Variants in PRUNE2 observed in about 807,000 individuals in gnomAD.
PRUNE2 encodes the protein prune homolog 2 with BCH domain.
PRUNE2 carries 164 observed loss-of-function variants against 252.0 expected under a neutral mutation model. The observed-to-expected ratio is 0.65, with a 90% CI of 0.57 to 0.74. The LOEUF (loss-of-function observed/expected upper bound fraction) is 0.74, where lower values mean the gene tolerates loss of function less well. Ranked by LOEUF, PRUNE2 falls within the 30% of genes least tolerant of loss-of-function variation. The pLI, the probability that PRUNE2 is intolerant of heterozygous loss-of-function variation, is 0.00. For missense variants in PRUNE2, 3,495 were observed against 3,711.0 expected (o/e 0.94, Z 1.51); for synonymous variants, 1,292 against 1,350.2 (o/e 0.96, Z 0.94).
intron 9 of PRUNE2, among the ~76,000 whole-genome samples, chr9:76,701,666 A>G (rs2045899994): frequency 6.6e-6 from 1 of 152,200 alleles, no homozygotes; most frequent in African/African-American, 2.4e-5. Flanking sequence ...AGGCCAGCTG[A>G]CAATGTCTGG....
chr9:76,740,494 T>A (rs540858191), intron 6 of PRUNE2: 16 of 151,610 alleles, frequency 1.1e-4, no homozygotes, highest in African/African-American at 3.4e-4. Flanking sequence ...GTCATCTGGC[T>A]GAGCCCCAAC....
chr9:76,726,091 C>A (rs961389523), intron 6 of PRUNE2, among the ~76,000 whole-genome samples: 1 of 152,130 alleles, frequency 6.6e-6, no homozygotes, highest in Non-Finnish European at 1.5e-5. Context: ...ATCCTCTACA[C>A]GGTGGGAACC....
intron 1 of PRUNE2, among the ~76,000 whole-genome samples, chr9:76,866,424 A>G (rs2132943072): frequency 6.6e-6 from 1 of 152,302 alleles, no homozygotes; most frequent in South Asian, 2.1e-4. Flanking sequence ...GTTTTTTGCG[A>G]TATTTTGTAG....
intron 6 of PRUNE2, among the ~76,000 whole-genome samples, chr9:76,722,127 C>T (rs964892034): frequency 1.3e-5 from 2 of 151,272 alleles, no homozygotes; most frequent in African/African-American, 2.4e-5. Context: ...GGTGTGATCT[C>T]GGCTCACTGC....
chr9:76,757,851 T>A (rs1025862490), intron 6 of PRUNE2, among the ~76,000 whole-genome samples: 1 of 151,706 alleles, frequency 6.6e-6, no homozygotes, highest in African/African-American at 2.4e-5. Flanking sequence ...GGCAGGAGGA[T>A]CCCTGGGCCC....
Position 76,709,132 on chromosome 9 carries a change from G to A in PRUNE2, c.3142C>T (p.His1048Tyr), listed in dbSNP as rs1283835181. 3 of 1,613,854 alleles carry A rather than the reference G, an allele frequency of 1.9e-6. No individual in the cohort carries two copies. Among genetic ancestry groups the A allele is most frequent in the Non-Finnish European group, 2.5e-6 (3 of 1,179,890 alleles). Reference protein sequence around the residue: ...TDNSSEINTTHNLDENELKTE... With the variant: ...TDNSSEINTTYNLDENELKTE... ...TTGAGTTCATTTTCATCCAGGTTGT[G>A]AGTGGTATTTATTTCAGAACTGTTA... The change falls in exon 8 of 19, where the codon CAC (histidine) becomes TAC (tyrosine). Residue 1048 changes from histidine to tyrosine, a missense_variant. By Grantham distance (83) the His-to-Tyr change is moderately conservative. Transcript: ENST00000376718.
At chr9:76,776,887 A>AACAC (rs1224020427) in intron 6 of PRUNE2, among the ~76,000 whole-genome samples, 7 of 96,472 alleles carry the variant, frequency 7.3e-5, no homozygotes, top group Non-Finnish European at 1.1e-4. Context: ...TCATTACCAA[A>AACAC]ACACATACAC....
At chr9:76,851,820 G>C (rs1028363730) in intron 2 of PRUNE2, among the ~76,000 whole-genome samples, 1 of 150,054 alleles carries the variant, frequency 6.7e-6, no homozygotes, top group African/African-American at 2.5e-5. Context: ...AGATAGGAGA[G>C]AGGTAGAGAA....
intron 15 of PRUNE2, among the ~76,000 whole-genome samples, chr9:76,634,116 CA>C (rs1288266280): frequency 6.6e-6 from 1 of 151,854 alleles, no homozygotes; most frequent in Non-Finnish European, 1.5e-5. Flanking sequence ...TCTCTCAAAA[CA>C]AAAAACAAAC....
intron 6 of PRUNE2, among the ~76,000 whole-genome samples, chr9:76,722,931 T>C (rs1382127504): frequency 6.6e-6 from 1 of 152,248 alleles, no homozygotes; most frequent in East Asian, 1.9e-4. Flanking sequence ...TTAATAAAAA[T>C]AGTTTTTAAC....
chr9:76,722,185 A>C (rs1044469842), intron 6 of PRUNE2, among the ~76,000 whole-genome samples: 3 of 151,034 alleles, frequency 2.0e-5, no homozygotes, highest in African/African-American at 7.3e-5. Context: ...CAGTCTCCTG[A>C]GTAGCTGGGA....
chr9:76,731,310 C>A (rs10781374), intron 6 of PRUNE2, among the ~76,000 whole-genome samples: 4,659 of 36,338 alleles, frequency 0.13, 197 homozygotes, highest in African/African-American at 0.23. Flanking sequence ...ATCTATCTAT[C>A]TATATATATA....
chr9:76,762,510 C>T (rs2051837755), intron 6 of PRUNE2, among the ~76,000 whole-genome samples: 3 of 152,306 alleles, frequency 2.0e-5, no homozygotes, highest in South Asian at 4.1e-4. Context: ...ATAGATTCCA[C>T]ACATGTTCAT....
intron 1 of PRUNE2, among the ~76,000 whole-genome samples, chr9:76,872,316 G>A (rs545408615): frequency 2.6e-5 from 4 of 152,258 alleles, no homozygotes; most frequent in Non-Finnish European, 5.9e-5. Flanking sequence ...ACAGAGCAAC[G>A]ATGCACAAAA....
At chr9:76,659,158 T>C (rs2133506180) in intron 9 of PRUNE2, among the ~76,000 whole-genome samples, 1 of 152,318 alleles carries the variant, frequency 6.6e-6, no homozygotes, top group East Asian at 1.9e-4. Context: ...AGAAATGAAC[T>C]TTTGTTGTGT....
intron 16 of PRUNE2, among the ~76,000 whole-genome samples, chr9:76,628,582 AC>A (rs1293356184): frequency 6.6e-5 from 10 of 152,366 alleles, no homozygotes; most frequent in African/African-American, 2.4e-4. Context: ...TACACTGTTA[AC>A]CAGTAGAGAC....
intron 6 of PRUNE2, among the ~76,000 whole-genome samples, chr9:76,761,182 C>G (rs1449122942): frequency 6.6e-6 from 1 of 151,632 alleles, no homozygotes; most frequent in Non-Finnish European, 1.5e-5. Flanking sequence ...AAAAATGAAT[C>G]TGAATTAGAA....
At chr9:76,732,171 G>A (rs952910422) in intron 6 of PRUNE2, among the ~76,000 whole-genome samples, 4 of 152,100 alleles carry the variant, frequency 2.6e-5, no homozygotes, top group East Asian at 1.9e-4. Context: ...AAAATTAGCC[G>A]GGCATGGTGG....
intron 1 of PRUNE2, among the ~76,000 whole-genome samples, chr9:76,878,333 G>A (rs1454686306): frequency 3.3e-5 from 5 of 152,192 alleles, no homozygotes; most frequent in African/African-American, 4.8e-5. Context: ...AGGGTGTCAT[G>A]AGCAAGAAGG....
Sources: allele counts gnomAD v4.1 joint callset (sites outside exome capture counted in the v4.1 genomes callset), GRCh38; gene constraint gnomAD v4.1.1; transcripts MANE v1.5; gene names NCBI Gene and HGNC (gene_info 2026-07-23, HGNC 2026-07-21).